The following ZNF705G variants were observed in gnomAD, a reference collection of about 807,000 sequenced individuals.
ZNF705G encodes putative zinc finger protein 705G.
Under a neutral mutation model 19.6 loss-of-function variants are expected in ZNF705G, and 23 were observed. That is an observed-to-expected ratio of 1.17 (90% CI 0.84 to 1.66). ZNF705G has a LOEUF of 1.66. Among genes scored for constraint, ZNF705G ranks in the 40% most tolerant of loss-of-function variants. The pLI, the probability that ZNF705G is intolerant of heterozygous loss-of-function variation, is 0.00. For missense variants in ZNF705G, 457 were observed against 354.4 expected (o/e 1.29, Z -2.32); for synonymous variants, 146 against 117.7 (o/e 1.24, Z -1.56).
Position 7,358,184 on chromosome 8 carries a change from T to A in ZNF705G, c.695A>T (p.Gln232Leu). 1 of 1,607,638 alleles carries A rather than the reference T, an allele frequency of 6.2e-7. No individual in the cohort carries two copies. Among genetic ancestry groups the A allele is most frequent in the Non-Finnish European group, 8.5e-7 (1 of 1,179,620 alleles). The part of the protein sequence containing the change: ...HTGQRPYKCH[Q>L]YGKVFIQSFN... ...GGATTGAATAAAGACTTTCCCATAT[T>A]GATGACACTTATATGGTCTCTGTCC... The change falls in exon 7 of 7, where the codon CAA (glutamine) becomes CTA (leucine). Residue 232 changes from glutamine (Q) to leucine (L), a missense_variant. By Grantham distance (113) the Gln-to-Leu change is moderately radical. Coordinates refer to ENST00000400156, the MANE Select transcript of ZNF705G (RefSeq NM_001164457.3).
Position 7,358,128 on chromosome 8 carries a change from G to T in ZNF705G, c.751C>A (p.Leu251Ile), listed in dbSNP as rs1282324946. The change falls in exon 7 of 7, where the codon CTT (leucine) becomes ATT (isoleucine). Residue 251 changes from leucine (L) to isoleucine (I), a missense_variant. Physicochemically the swap from Leu to Ile is conservative, Grantham distance 5. Coordinates refer to ENST00000400156, the MANE Select transcript of ZNF705G (RefSeq NM_001164457.3). ...TCACATTCATAACACTTTTTTCCAAGGTGAGTTCTCTCATGTCTTTGAAGG... is the reference window on the plus strand; with the variant it reads ...TCACATTCATAACACTTTTTTCCAATGTGAGTTCTCTCATGTCTTTGAAGG... ...FNLQRHERTH[L>I]GKKCYECDKS... 6.2e-7 allele frequency: 1 copy of T among 1,607,336 alleles called. No homozygotes were observed. The highest frequency in any genetic ancestry group is 2.2e-5 in the East Asian group (1 of 44,868).
intron 1 of ZNF705G, among the ~76,000 whole-genome samples, chr8:7,384,554 C>T (rs1161942150): frequency 6.8e-6 from 1 of 146,050 alleles, no homozygotes; most frequent in East Asian, 1.9e-4. Context: ...CCTGAAATCA[C>T]ACAAGATACT....
rs570075156 is a variant in ZNF705G at position 7,384,355 on chromosome 8, G to A, written c.-222+1143C>T. 6.9e-5 allele frequency among the ~76,000 whole-genome samples: 10 copies of A among 145,734 alleles called. No homozygotes were observed. In the East Asian group the frequency reaches 1.9e-3, roughly 28 times the overall value. ...CCAATACCTATCCACACAGAGTTGT[G>A]TTTTAACTAGGATCACCACAAGAGT... On this transcript the variant is annotated intron_variant, in intron 1 of 6. Transcript: ENST00000400156.
chr8:7,378,766 G>T (rs1005883082), intron 2 of ZNF705G, among the ~76,000 whole-genome samples: 5 of 144,720 alleles, frequency 3.5e-5, no homozygotes, highest in African/African-American at 1.4e-4. Context: ...CATTTTTTAG[G>T]ACTCATGATT....
At chr8:7,381,116 T>G (rs1807479545) in intron 2 of ZNF705G, among the ~76,000 whole-genome samples, 1 of 130,862 alleles carries the variant, frequency 7.6e-6, no homozygotes, top group Admixed American at 7.2e-5. Flanking sequence ...TTGTTATTAG[T>G]ATTAGTGTTG....
chr8:7,366,881 G>C (rs1404126264), intron 2 of ZNF705G, among the ~76,000 whole-genome samples: 1 of 149,664 alleles, frequency 6.7e-6, no homozygotes, highest in Non-Finnish European at 1.5e-5. Context: ...GTCCAATGCA[G>C]TAACTACCAC....
At position 7,356,405 on chromosome 8, in the gene ZNF705G, T is replaced by C. The variant is rs1806249348; in HGVS notation, c.*1571A>G. The C allele has an allele frequency of 6.7e-6, 1 of 149,948 alleles. No individual in the cohort carries two copies. Among genetic ancestry groups the C allele is most frequent in the African/African-American group, 2.6e-5 (1 of 38,992 alleles). 9.3% of individuals were successfully genotyped at this position (149,948 alleles called of 1,614,324 possible). On this transcript the variant is annotated 3_prime_UTR_variant, in exon 7 of 7. Coordinates refer to ENST00000400156, the MANE Select transcript of ZNF705G (RefSeq NM_001164457.3). Reference sequence around the variant, plus strand: ...CAGGGACAAAATTTCAAGAGTCTTCTGAGGGATAGAAGAGAAGAGCTGCCT... The same window carrying C: ...CAGGGACAAAATTTCAAGAGTCTTCCGAGGGATAGAAGAGAAGAGCTGCCT...
chr8:7,384,317 A>C lies in ZNF705G; in HGVS notation c.-222+1181T>G, dbSNP rs547728000. On this transcript the variant is annotated intron_variant, in intron 1 of 6. Coordinates refer to ENST00000400156, the MANE Select transcript of ZNF705G (RefSeq NM_001164457.3). Reference sequence around the variant, plus strand: ...CAGGAAAAAAAAAAATCTTAGGAGGAGTCAATTGCTACCCAATACCTATCC... The same window carrying C: ...CAGGAAAAAAAAAAATCTTAGGAGGCGTCAATTGCTACCCAATACCTATCC... Among the ~76,000 whole-genome samples, 6 of 145,706 alleles carry C rather than the reference A, an allele frequency of 4.1e-5. No homozygotes were observed. The East Asian group carries it at 9.6e-4, about 23-fold the overall frequency.
intron 1 of ZNF705G, among the ~76,000 whole-genome samples, chr8:7,384,889 A>T (rs1807661379): frequency 6.8e-6 from 1 of 146,370 alleles, no homozygotes; most frequent in Admixed American, 6.6e-5. Context: ...AGTTGACATA[A>T]CTTTTATATG....
At chr8:7,361,640 C>T (rs570994382) in intron 3 of ZNF705G, among the ~76,000 whole-genome samples, 1 of 149,824 alleles carries the variant, frequency 6.7e-6, no homozygotes, top group Admixed American at 6.6e-5. Context: ...TTAAGCATGA[C>T]TCTGATGAAA....
rs555382598 is a variant in ZNF705G at position 7,357,533 on chromosome 8, CAT to C, written c.*441_*442del. 415 of 207,270 alleles carry C rather than the reference CAT, an allele frequency of 2.0e-3. 7 individuals carry two copies. The highest frequency in any genetic ancestry group is 3.4e-3 in the Non-Finnish European group (356 of 106,082). The allele number at this position is 207,270 out of a possible 1,614,324, so 12.8% of individuals were successfully genotyped here. ...AGAGATTCTCTACCTGAAAGTCCCACATGTTTTAAGTTATAGCTGTTGCTGAA... is the reference window on the plus strand; with the variant it reads ...AGAGATTCTCTACCTGAAAGTCCCACGTTTTAAGTTATAGCTGTTGCTGAA... On this transcript the variant is annotated 3_prime_UTR_variant, in exon 7 of 7. Coordinates refer to ENST00000400156, the MANE Select transcript of ZNF705G (RefSeq NM_001164457.3).
At chr8:7,367,548 A>C (rs1460471201) in intron 2 of ZNF705G, among the ~76,000 whole-genome samples, 17 of 149,666 alleles carry the variant, frequency 1.1e-4, no homozygotes, top group Non-Finnish European at 2.4e-4. Flanking sequence ...CTCAATTTCA[A>C]AGGGTAAGGA....
At chr8:7,361,293 G>C in intron 3 of ZNF705G, 57 bp from the exon 4 acceptor site, 1 of 1,591,970 alleles carries the variant, frequency 6.3e-7, no homozygotes, top group Non-Finnish European at 8.5e-7. Flanking sequence ...ATGTCCGGAA[G>C]AGGAAGGCTG....
intron 3 of ZNF705G, 137 bp downstream of exon 3, chr8:7,362,798 G>T: frequency 4.5e-6 from 7 of 1,571,268 alleles, no homozygotes; most frequent in Non-Finnish European, 6.0e-6. Flanking sequence ...GAACACCCAG[G>T]CAGGGTGGAT....
intron 1 of ZNF705G, among the ~76,000 whole-genome samples, chr8:7,382,956 T>A (rs1350926322): frequency 6.8e-6 from 1 of 147,712 alleles, no homozygotes; most frequent in Non-Finnish European, 1.5e-5. Flanking sequence ...TCTGAGTCTC[T>A]AAAATCCATC....
chr8:7,361,794 C>G (rs1585411067), intron 3 of ZNF705G, among the ~76,000 whole-genome samples: 1 of 146,052 alleles, frequency 6.8e-6, no homozygotes, highest in South Asian at 2.1e-4. Flanking sequence ...TCATTGGTCC[C>G]TTATTCATTA....
intron 1 of ZNF705G, among the ~76,000 whole-genome samples, chr8:7,383,238 G>A (rs554966111): frequency 6.7e-5 from 10 of 148,452 alleles, no homozygotes; most frequent in African/African-American, 2.1e-4. Flanking sequence ...AGGGGCCAAA[G>A]AGTTTCTTAA....
At chr8:7,369,068 C>T (rs1806982997) in intron 2 of ZNF705G, among the ~76,000 whole-genome samples, 1 of 149,498 alleles carries the variant, frequency 6.7e-6, no homozygotes, top group African/African-American at 2.6e-5. Context: ...GAATGACAGC[C>T]AAGCAAAACT....
intron 3 of ZNF705G, among the ~76,000 whole-genome samples, chr8:7,361,801 A>G (rs62636816): frequency 0.18 from 26,191 of 143,170 alleles, 1,533 homozygotes; most frequent in South Asian, 0.28. Flanking sequence ...TCCCTTATTC[A>G]TTAAAAAGTT....
Sources: allele counts gnomAD v4.1 joint callset (sites outside exome capture counted in the v4.1 genomes callset), GRCh38; gene constraint gnomAD v4.1.1; transcripts MANE v1.5; gene names NCBI Gene and HGNC (gene_info 2026-07-23, HGNC 2026-07-21).